The following PPID variants were observed in gnomAD, a reference collection of about 807,000 sequenced individuals.
PPID encodes peptidylprolyl isomerase D, also known as peptidyl-prolyl cis-trans isomerase D.
In PPID, 47 loss-of-function variants were observed where a neutral mutation model predicts 48.1. That is an observed-to-expected ratio of 0.98 (90% CI 0.77 to 1.25). The LOEUF (loss-of-function observed/expected upper bound fraction) is 1.25. Among genes scored for constraint, PPID ranks in the 50% most tolerant of loss-of-function variants. The pLI, the probability that PPID is intolerant of heterozygous loss-of-function variation, is 0.00. For missense variants in PPID, 429 were observed against 443.5 expected (o/e 0.97, Z 0.29); for synonymous variants, 163 against 148.8 (o/e 1.10, Z -0.69).
At chr4:158,723,172 G>A (rs754237888) in intron 1 of PPID, 32 bp downstream of exon 1, 3 of 1,593,872 alleles carry the variant, frequency 1.9e-6, no homozygotes, top group Non-Finnish European at 2.6e-6. Context: ...CGCCTCCTCG[G>A]GGCTTTTCCG....
At chr4:158,715,721 C>G in intron 4 of PPID, 37 bp from the exon 5 acceptor site, 1 of 1,584,016 alleles carries the variant, frequency 6.3e-7, no homozygotes. Context: ...AGTGCACTAT[C>G]GTAATAATGA....
At chr4:158,710,528 G>A in intron 9 of PPID, 100 bp downstream of exon 9, 1 of 1,307,298 alleles carries the variant, frequency 7.6e-7, no homozygotes, top group Non-Finnish European at 1.1e-6. Context: ...TGTAGTGTCT[G>A]TTGAACAAAC....
In PPID at chr4:158,723,241, A is replaced by G; in HGVS notation, c.48T>C (p.Pro16=). The G allele has an allele frequency of 1.2e-6, 2 of 1,613,976 alleles. No individual in the cohort carries two copies. The highest frequency in any genetic ancestry group is 1.7e-6 in the Non-Finnish European group (2 of 1,179,984). The stretch of plus-strand genomic sequence containing the variant: ...CGATGTCCACGTCAAAGAAGACTCG[A>G]GGGTTACTGGGGTTGGAGGGCTTGG... ...PQAKPSNPSN[P]RVFFDVDIGG... Residue 16 remains proline (P), a synonymous_variant, in exon 1 of 10, where the codon CCT becomes CCC. Coordinates refer to ENST00000307720, the MANE Select transcript of PPID (RefSeq NM_005038.3).
At chr4:158,717,258 G>T (rs780212111) in intron 3 of PPID, 58 bp from the exon 4 acceptor site, 1 of 1,482,170 alleles carries the variant, frequency 6.7e-7, no homozygotes, top group Non-Finnish European at 9.2e-7. Context: ...TCTGAATTGT[G>T]TGTTAGTCTG....
At chr4:158,712,106 A>C (rs1231498359) in intron 7 of PPID, among the ~76,000 whole-genome samples, 1 of 152,240 alleles carries the variant, frequency 6.6e-6, no homozygotes, top group Non-Finnish European at 1.5e-5. Flanking sequence ...GAGCATAGCT[A>C]GTCTAGGTGC....
chr4:158,717,154 G>A lies in PPID; in HGVS notation c.380C>T (p.Thr127Ile). The A allele has an allele frequency of 1.2e-6, 2 of 1,614,090 alleles. No homozygotes were observed. Among genetic ancestry groups the A allele is most frequent in the Non-Finnish European group, 1.7e-6 (2 of 1,180,002 alleles). The change falls in exon 4 of 10, where the codon ACA becomes ATA. Residue 127 changes from threonine (T) to isoleucine (I), a missense_variant. Physicochemically the swap from Thr to Ile is moderately conservative, Grantham distance 89. Transcript: ENST00000307720. ...TGTGATAAAAAACTGAGAACCGTTTGTGTTGCGGCCTGCATTTGCCATGCT... is the reference window on the plus strand; with the variant it reads ...TGTGATAAAAAACTGAGAACCGTTTATGTTGCGGCCTGCATTTGCCATGCT... ...LLSMANAGRNTNGSQFFITTV... is the reference protein window; with the variant it reads ...LLSMANAGRNINGSQFFITTV...
At chr4:158,723,087 C>T (rs1205807598) in intron 1 of PPID, 117 bp downstream of exon 1, 3 of 1,035,140 alleles carry the variant, frequency 2.9e-6, no homozygotes, top group East Asian at 5.2e-5. Flanking sequence ...AGGCAGCCAT[C>T]CCCTCCGCGA....
intron 6 of PPID, among the ~76,000 whole-genome samples, chr4:158,715,080 G>A (rs1189520045): frequency 6.6e-6 from 1 of 152,080 alleles, no homozygotes; most frequent in South Asian, 2.1e-4. Flanking sequence ...ATTGGTGAAT[G>A]TAAGTAAAAC....
Position 158,713,275 on chromosome 4 carries a change from A to C in PPID, c.753-15T>G. 2 of 1,585,222 alleles carry C rather than the reference A, an allele frequency of 1.3e-6. No individual in the cohort carries two copies. Among genetic ancestry groups the C allele is most frequent in the Non-Finnish European group, 1.7e-6 (2 of 1,167,000 alleles). On this transcript the variant is annotated splice_polypyrimidine_tract_variant and intron_variant, in intron 6 of 9. Coordinates refer to ENST00000307720, the MANE Select transcript of PPID (RefSeq NM_005038.3). Reference sequence around the variant, plus strand: ...TGTCCACGTATCTGCAGAATGCATTAATAAAAGCAGTATGAAAGACCACAT... The same window carrying C: ...TGTCCACGTATCTGCAGAATGCATTCATAAAAGCAGTATGAAAGACCACAT...
At chr4:158,710,705 T>C (rs771749619) in intron 8 of PPID, 35 bp from the exon 9 acceptor site, 6 of 1,611,492 alleles carry the variant, frequency 3.7e-6, no homozygotes, top group Non-Finnish European at 4.2e-6. Flanking sequence ...GTTAGGTGTA[T>C]GATTTATAAA....
chr4:158,717,581 T>C (rs1339217383), intron 3 of PPID, among the ~76,000 whole-genome samples: 2 of 152,204 alleles, frequency 1.3e-5, no homozygotes, highest in African/African-American at 4.8e-5. Context: ...TTGCCCTCTT[T>C]ATGATGAATG....
chr4:158,713,919 A>G (rs1286757784), intron 6 of PPID, among the ~76,000 whole-genome samples: 1 of 152,078 alleles, frequency 6.6e-6, no homozygotes, highest in Non-Finnish European at 1.5e-5. Flanking sequence ...CCCATAAGAT[A>G]TCCTCTAGTC....
In PPID at chr4:158,709,445, T is replaced by G. The variant is rs532579062; in HGVS notation, c.*291A>C. The G allele has an allele frequency of 4.9e-6, 1 of 203,630 alleles. No individual in the cohort carries two copies. The highest frequency in any genetic ancestry group is 2.3e-5 in the African/African-American group (1 of 42,898). The allele number at this position is 203,630 out of a possible 1,614,324, so 12.6% of individuals were successfully genotyped here. Reference sequence around the variant, plus strand: ...TACTTGGGAAGCTGAGGCAGGAGAATTGCTTGAACCCGGGAGGCAGAGGAT... The same window carrying G: ...TACTTGGGAAGCTGAGGCAGGAGAAGTGCTTGAACCCGGGAGGCAGAGGAT... On this transcript the variant is annotated 3_prime_UTR_variant, in exon 10 of 10. Coordinates refer to ENST00000307720, the MANE Select transcript of PPID (RefSeq NM_005038.3).
intron 1 of PPID, among the ~76,000 whole-genome samples, chr4:158,722,498 T>C (rs377259425): frequency 4.6e-5 from 7 of 152,362 alleles, no homozygotes; most frequent in Middle Eastern, 3.4e-3. Flanking sequence ...TGTAAACGTG[T>C]GTGTGTCCTG....
Position 158,723,364 on chromosome 4 carries a change from C to G in PPID, c.-76G>C. 2 of 1,435,232 alleles carry G rather than the reference C, an allele frequency of 1.4e-6. No homozygotes were observed. Among genetic ancestry groups the G allele is most frequent in the Non-Finnish European group, 1.9e-6 (2 of 1,033,136 alleles). The allele number at this position is 1,435,232 out of a possible 1,614,324, so 88.9% of individuals were successfully genotyped here. On this transcript the variant is annotated 5_prime_UTR_variant, in exon 1 of 10. Transcript: ENST00000307720. ...CCCGGGCCGCCCAAACTCCAGAGTC[C>G]GTCTCCGCCGGAGACCGGCAGCGAC... is the stretch of plus-strand genomic sequence containing the variant.
chr4:158,719,088 C>T, intron 3 of PPID, 92 bp downstream of exon 3: 1 of 787,630 alleles, frequency 1.3e-6, no homozygotes, highest in Non-Finnish European at 2.0e-6. Flanking sequence ...TCTAAGCACA[C>T]TTGAAACATT....
At chr4:158,722,604 G>A (rs1245406240) in intron 1 of PPID, among the ~76,000 whole-genome samples, 4 of 152,212 alleles carry the variant, frequency 2.6e-5, no homozygotes, top group Admixed American at 1.3e-4. Flanking sequence ...TAATTCACCA[G>A]GCCTTAGGAA....
At chr4:158,713,097 G>A (rs1774815574) in intron 7 of PPID, 22 bp downstream of exon 7, 1 of 1,612,666 alleles carries the variant, frequency 6.2e-7, no homozygotes, top group African/African-American at 1.3e-5. Context: ...TATTCAAAAA[G>A]TTCAAAATCA....
intron 2 of PPID, among the ~76,000 whole-genome samples, chr4:158,721,083 A>T (rs1774951521): frequency 6.6e-6 from 1 of 152,148 alleles, no homozygotes; most frequent in Non-Finnish European, 1.5e-5. Context: ...TTCCTTTCTC[A>T]ATCAAATCAT....
Sources: allele counts gnomAD v4.1 joint callset (sites outside exome capture counted in the v4.1 genomes callset), GRCh38; gene constraint gnomAD v4.1.1; transcripts MANE v1.5; gene names NCBI Gene and HGNC (gene_info 2026-07-23, HGNC 2026-07-21).